The following TAF1B variants were observed in gnomAD, a reference collection of about 807,000 sequenced individuals.
TAF1B encodes the protein TATA box-binding protein-associated factor RNA polymerase I subunit B.
A neutral mutation model predicts 83.9 loss-of-function variants in TAF1B; 61 were observed. That is an observed-to-expected ratio of 0.73 (90% CI 0.59 to 0.90). The LOEUF (loss-of-function observed/expected upper bound fraction) is 0.90. Among genes scored for constraint, TAF1B ranks in the 40% least tolerant of loss-of-function variants. The pLI, the probability that TAF1B is intolerant of heterozygous loss-of-function variation, is 0.00. For missense variants in TAF1B, 625 were observed against 677.0 expected, an observed-to-expected ratio of 0.92 and a Z score of 0.85; for synonymous variants, 221 against 224.6, an observed-to-expected ratio of 0.98 and a Z score of 0.14.
At chr2:9,931,628 T>C (rs959956993) in intron 14 of TAF1B, among the ~76,000 whole-genome samples, 1 of 152,244 alleles carries the variant, frequency 6.6e-6, no homozygotes, top group African/African-American at 2.4e-5. Flanking sequence ...CCTTGGTGAA[T>C]CTGACAGTTA....
At chr2:9,851,171 C>T (rs1426003460) in intron 3 of TAF1B, among the ~76,000 whole-genome samples, 1 of 152,014 alleles carries the variant, frequency 6.6e-6, no homozygotes, top group East Asian at 1.9e-4. Context: ...GGGCATTGTT[C>T]GGGAAAATAG....
chr2:9,925,924 C>T (rs1264993231), intron 14 of TAF1B, among the ~76,000 whole-genome samples: 3 of 151,938 alleles, frequency 2.0e-5, no homozygotes, highest in South Asian at 2.1e-4. Context: ...AATTTAGGGC[C>T]GTATATATTA....
chr2:9,913,196 TATG>T lies in TAF1B; in HGVS notation c.1220_1222del (p.Met407del). 1 of 1,612,018 alleles carries T rather than the reference TATG, an allele frequency of 6.2e-7. No individual in the cohort carries two copies. The highest frequency in any genetic ancestry group is 8.5e-7 in the Non-Finnish European group (1 of 1,179,462). On this transcript the variant is annotated inframe_deletion, in exon 12 of 15. Coordinates refer to ENST00000263663, the MANE Select transcript of TAF1B (RefSeq NM_005680.3). ...TTGATTTCAGAAAGTGGTACCAAAT[TATG>T]AAGAAAGCTTTTGATGAGAAAAAAC... is the stretch of plus-strand genomic sequence containing the variant.
intron 12 of TAF1B, among the ~76,000 whole-genome samples, chr2:9,913,878 T>G (rs13000106): frequency 6.6e-6 from 1 of 152,030 alleles, no homozygotes; most frequent in African/African-American, 2.4e-5. Context: ...ACTTAACCTT[T>G]TGCTGAGTCT....
chr2:9,911,087 A>T lies in TAF1B; in HGVS notation c.1133+174A>T, dbSNP rs77834978. On this transcript the variant is annotated intron_variant, in intron 10 of 14. Coordinates refer to ENST00000263663, the MANE Select transcript of TAF1B (RefSeq NM_005680.3). Reference sequence around the variant, plus strand: ...AAATGGAGACTCTCAATTGTTACAGAACATTGACTAGTAGTCACAATTATT... The same window carrying T: ...AAATGGAGACTCTCAATTGTTACAGTACATTGACTAGTAGTCACAATTATT... Among the ~76,000 whole-genome samples, 216 of 152,360 alleles carry T rather than the reference A, an allele frequency of 1.4e-3. 3 individuals are homozygous for T. The East Asian group carries it at 0.038, about 27-fold the overall frequency.
intron 12 of TAF1B, chr2:9,913,464 T>C (rs1192372934): frequency 2.3e-6 from 1 of 436,560 alleles, no homozygotes; most frequent in Non-Finnish European, 4.0e-6. Flanking sequence ...TTTTTATTAA[T>C]GTCCTCTTTC....
chr2:9,873,191 A>G (rs923005088), intron 6 of TAF1B, among the ~76,000 whole-genome samples: 1 of 152,320 alleles, frequency 6.6e-6, no homozygotes. Flanking sequence ...GCACTGGGAC[A>G]TAATGGTGGC....
chr2:9,908,274 T>G (rs1665412774), intron 9 of TAF1B, among the ~76,000 whole-genome samples: 1 of 151,528 alleles, frequency 6.6e-6, no homozygotes, highest in South Asian at 2.1e-4. Context: ...CTGGATCTCC[T>G]GACCTCAGGT....
At chr2:9,853,440 C>A (rs916193652) in intron 4 of TAF1B, among the ~76,000 whole-genome samples, 1 of 151,324 alleles carries the variant, frequency 6.6e-6, no homozygotes, top group Non-Finnish European at 1.5e-5. Context: ...TAGTAGATGA[C>A]GAATAAATGG....
chr2:9,874,239 C>T (rs1664255393), intron 6 of TAF1B, among the ~76,000 whole-genome samples: 1 of 152,096 alleles, frequency 6.6e-6, no homozygotes, highest in African/African-American at 2.4e-5. Flanking sequence ...TCCTGCAGTT[C>T]ACTCCTGCTA....
intron 11 of TAF1B, among the ~76,000 whole-genome samples, chr2:9,912,613 T>C (rs996525058): frequency 3.3e-5 from 5 of 152,200 alleles, no homozygotes; most frequent in African/African-American, 1.2e-4. Context: ...CTTTGACCTG[T>C]CTCCCTGTAA....
chr2:9,851,454 A>C lies in TAF1B; in HGVS notation c.206-87A>C, dbSNP rs1663388445. ...AAAAAAAAGAAAAATTCAAGTCGCA[A>C]TGTGTAAAACACAAATTGTAACTGT... On this transcript the variant is annotated intron_variant, in intron 3 of 14. Transcript: ENST00000263663. The C allele has an allele frequency of 5.7e-6, 6 of 1,047,736 alleles. No individual in the cohort carries two copies. The East Asian group carries it at 1.5e-4, about 27-fold the overall frequency. The allele number at this position is 1,047,736 out of a possible 1,614,324, so 64.9% of individuals were successfully genotyped here. A position where few individuals can be genotyped will look rare whatever the true frequency, so the allele number is the denominator to read the frequency against.
chr2:9,876,039 G>C, intron 7 of TAF1B, 21 bp downstream of exon 7: 1 of 1,572,986 alleles, frequency 6.4e-7, no homozygotes, highest in Non-Finnish European at 8.7e-7. Context: ...CCTCTTGTAT[G>C]ATAATATTTT....
At chr2:9,880,182 T>C (rs1415684548) in intron 7 of TAF1B, among the ~76,000 whole-genome samples, 2 of 152,132 alleles carry the variant, frequency 1.3e-5, no homozygotes, top group African/African-American at 4.8e-5. Flanking sequence ...TTTTCAGTGA[T>C]CTGAGACAAA....
chr2:9,913,739 G>A lies in TAF1B; in HGVS notation c.1271+490G>A, dbSNP rs147364986. 315 of 152,884 alleles carry A rather than the reference G, an allele frequency of 2.1e-3. 1 individual carries two copies. Among genetic ancestry groups the A allele is most frequent in the Non-Finnish European group, 3.6e-3 (248 of 68,472 alleles). The allele number at this position is 152,884 out of a possible 1,614,324, so 9.5% of individuals were successfully genotyped here. ...ATAGCAAGTCCATTTGATTCAGCCA[G>A]TGTCACTGCCTTTCTTTGAACTGTC... On this transcript the variant is annotated intron_variant, in intron 12 of 14. Transcript: ENST00000263663.
chr2:9,920,328 C>T (rs1030395085), intron 14 of TAF1B, among the ~76,000 whole-genome samples: 1 of 152,158 alleles, frequency 6.6e-6, no homozygotes, highest in Admixed American at 6.5e-5. Context: ...GGATCAAGTT[C>T]AGGAGTAGGT....
chr2:9,883,875 GTCA>G (rs1437157516), intron 8 of TAF1B, among the ~76,000 whole-genome samples: 1 of 152,242 alleles, frequency 6.6e-6, no homozygotes, highest in Admixed American at 6.5e-5. Flanking sequence ...TAGGAAGGAT[GTCA>G]TATTGTTGCG....
intron 14 of TAF1B, among the ~76,000 whole-genome samples, chr2:9,924,169 C>T (rs1665968077): frequency 6.6e-6 from 1 of 152,140 alleles, no homozygotes. Flanking sequence ...GTCAACCTTA[C>T]CTGTTCTAGA....
intron 14 of TAF1B, among the ~76,000 whole-genome samples, chr2:9,920,504 G>C (rs1408542049): frequency 6.7e-6 from 1 of 148,470 alleles, no homozygotes; most frequent in Non-Finnish European, 1.5e-5. Context: ...TTCAGGTTCT[G>C]CATCCCTGGC....
Sources: allele counts gnomAD v4.1 joint callset (sites outside exome capture counted in the v4.1 genomes callset), GRCh38; gene constraint gnomAD v4.1.1; transcripts MANE v1.5; gene names NCBI Gene and HGNC (gene_info 2026-07-23, HGNC 2026-07-21).